The following BLNK variants were observed in gnomAD, a reference collection of about 807,000 sequenced individuals.
BLNK encodes B-cell linker protein.
BLNK carries 29 observed loss-of-function variants against 73.5 expected under a neutral mutation model. The ratio of observed to expected loss-of-function variants is 0.39; its 90% CI spans 0.29 to 0.54. The LOEUF (loss-of-function observed/expected upper bound fraction) is 0.54. BLNK is among the 20% of genes least tolerant of loss of function. BLNK has a pLI of 0.61. For synonymous variants in BLNK, 176 were observed against 200.8 expected (o/e 0.88, Z 1.04); for missense variants, 460 against 562.8 (o/e 0.82, Z 1.85).
chr10:96,231,649 C>A (rs1262113376), intron 3 of BLNK, among the ~76,000 whole-genome samples: 1 of 151,118 alleles, frequency 6.6e-6, no homozygotes, highest in Non-Finnish European at 1.5e-5. Context: ...ATTGCTTGAG[C>A]CCAGGGGGTC....
intron 6 of BLNK, among the ~76,000 whole-genome samples, chr10:96,223,316 T>G (rs587628823): frequency 2.6e-5 from 4 of 152,200 alleles, no homozygotes; most frequent in Non-Finnish European, 4.4e-5. Context: ...AAACCCCAAC[T>G]CAAAGGTCAA....
chr10:96,228,437 A>G (rs1014611661), intron 4 of BLNK, among the ~76,000 whole-genome samples: 1 of 152,128 alleles, frequency 6.6e-6, no homozygotes, highest in African/African-American at 2.4e-5. Context: ...TTGTATTTTT[A>G]GTAAAGCTGG....
At chr10:96,245,622 T>G (rs1554907436) in intron 2 of BLNK, among the ~76,000 whole-genome samples, 1 of 152,210 alleles carries the variant, frequency 6.6e-6, no homozygotes, top group Non-Finnish European at 1.5e-5. Context: ...TTAAATCATC[T>G]GTTCAGAAAA....
chr10:96,248,800 A>G (rs1407645687), intron 1 of BLNK, among the ~76,000 whole-genome samples: 6 of 152,028 alleles, frequency 3.9e-5, no homozygotes, highest in Admixed American at 6.6e-5. Context: ...ACAGACCCCT[A>G]AAAAAAAGAG....
intron 16 of BLNK, among the ~76,000 whole-genome samples, chr10:96,193,744 A>G (rs1005338882): frequency 6.6e-6 from 1 of 152,206 alleles, no homozygotes; most frequent in Non-Finnish European, 1.5e-5. Context: ...AAATTACTCA[A>G]TGTTGTATCA....
intron 8 of BLNK, among the ~76,000 whole-genome samples, chr10:96,214,735 C>G (rs2084025207): frequency 2.6e-5 from 4 of 152,020 alleles, no homozygotes; most frequent in South Asian, 2.1e-4. Flanking sequence ...AGACATGAAT[C>G]CAGATTAATC....
intron 11 of BLNK, among the ~76,000 whole-genome samples, chr10:96,205,689 A>G (rs2083782189): frequency 6.6e-6 from 1 of 152,222 alleles, no homozygotes; most frequent in South Asian, 2.1e-4. Flanking sequence ...CTAGGCTAGT[A>G]GAGGCCACTC....
At chr10:96,214,771 C>A (rs1445887057) in intron 8 of BLNK, among the ~76,000 whole-genome samples, 1 of 152,166 alleles carries the variant, frequency 6.6e-6, no homozygotes, top group Non-Finnish European at 1.5e-5. Context: ...AGTGAAAAAT[C>A]ATTCTCTCTC....
At chr10:96,205,502 A>G (rs1221838371) in intron 11 of BLNK, among the ~76,000 whole-genome samples, 1 of 152,130 alleles carries the variant, frequency 6.6e-6, no homozygotes, top group Admixed American at 6.5e-5. Flanking sequence ...GAAACCTTGA[A>G]CCTCTGAAGA....
intron 13 of BLNK, among the ~76,000 whole-genome samples, chr10:96,202,243 G>A (rs2083663286): frequency 1.3e-5 from 2 of 152,172 alleles, no homozygotes; most frequent in Non-Finnish European, 2.9e-5. Flanking sequence ...TTTGAACAGG[G>A]GGGTAACATG....
At chr10:96,217,811 C>T (rs1483842024) in intron 6 of BLNK, among the ~76,000 whole-genome samples, 2 of 152,078 alleles carry the variant, frequency 1.3e-5, no homozygotes, top group Non-Finnish European at 2.9e-5. Context: ...ATTTTGAAGT[C>T]TGTTTTATTT....
chr10:96,212,337 GAATAATAACAAT>G (rs58297731), intron 8 of BLNK, among the ~76,000 whole-genome samples: 1,602 of 145,372 alleles, frequency 0.011, 35 homozygotes, highest in African/African-American at 0.038. Flanking sequence ...AAGGGATTCT[GAATAATAACAAT>G]AATAATAACA....
chr10:96,205,432 C>T (rs1407316991), intron 11 of BLNK: 1 of 152,188 alleles, frequency 6.6e-6, no homozygotes, highest in Non-Finnish European at 1.5e-5. Context: ...CTCAAAGATT[C>T]AAATAAATGG....
At chr10:96,207,592 G>A (rs1197103946) in intron 10 of BLNK, among the ~76,000 whole-genome samples, 2 of 152,248 alleles carry the variant, frequency 1.3e-5, no homozygotes, top group African/African-American at 2.4e-5. Flanking sequence ...GACGCTTCCT[G>A]TGGAGAGGGC....
intron 6 of BLNK, among the ~76,000 whole-genome samples, 171 bp downstream of exon 6, chr10:96,223,655 A>G (rs1360109507): frequency 6.6e-6 from 1 of 152,240 alleles, no homozygotes; most frequent in Non-Finnish European, 1.5e-5. Context: ...ACATATTTAC[A>G]ATAAGCCATT....
At chr10:96,217,233 T>G (rs1162377227) in intron 6 of BLNK, among the ~76,000 whole-genome samples, 2 of 152,150 alleles carry the variant, frequency 1.3e-5, no homozygotes, top group African/African-American at 2.4e-5. Flanking sequence ...GACATTTGAG[T>G]TTTTTTCCAC....
At chr10:96,244,273 G>A (rs147842607) in intron 2 of BLNK, among the ~76,000 whole-genome samples, 101 of 152,280 alleles carry the variant, frequency 6.6e-4, no homozygotes, top group African/African-American at 2.4e-3. Context: ...ACTGGGTCTG[G>A]TGCCCAGGTT....
At position 96,191,111 on chromosome 10, in the gene BLNK, G is replaced by A. The variant is rs1027541492; in HGVS notation, c.*862C>T. On this transcript the variant is annotated 3_prime_UTR_variant, in exon 17 of 17. Coordinates refer to ENST00000224337, the MANE Select transcript of BLNK (RefSeq NM_013314.4). ...CATGAGATCTGATGGTTTTATAAAGGGCAGTTCCCCTGCACATGCTCTCTT... is the reference window on the plus strand; with the variant it reads ...CATGAGATCTGATGGTTTTATAAAGAGCAGTTCCCCTGCACATGCTCTCTT... 6.6e-6 allele frequency among the ~76,000 whole-genome samples: 1 copy of A among 152,080 alleles called. No individual in the cohort carries two copies. Among genetic ancestry groups the A allele is most frequent in the Non-Finnish European group, 1.5e-5 (1 of 68,012 alleles).
At chr10:96,197,409 A>G (rs1286752434) in intron 15 of BLNK, among the ~76,000 whole-genome samples, 3 of 152,126 alleles carry the variant, frequency 2.0e-5, no homozygotes, top group African/African-American at 4.8e-5. Flanking sequence ...AGTTCAAGCG[A>G]TCCTCCCACC....
Sources: allele counts gnomAD v4.1 joint callset (sites outside exome capture counted in the v4.1 genomes callset), GRCh38; gene constraint gnomAD v4.1.1; transcripts MANE v1.5; gene names NCBI Gene and HGNC (gene_info 2026-07-23, HGNC 2026-07-21).